The following MACROD2 variants were observed in gnomAD, a reference collection of about 807,000 sequenced individuals.
MACROD2 encodes the protein ADP-ribose glycohydrolase MACROD2.
MACROD2 carries 36 observed loss-of-function variants against 70.4 expected under a neutral mutation model. That is an observed-to-expected ratio of 0.51 (90% confidence interval 0.39 to 0.68). MACROD2 has a LOEUF of 0.68. MACROD2 is among the 30% of genes least tolerant of loss of function. MACROD2 has a pLI of 0.00. For missense variants in MACROD2, 496 were observed against 538.4 expected, an observed-to-expected ratio of 0.92 and a Z score of 0.78; for synonymous variants, 172 against 178.8, an observed-to-expected ratio of 0.96 and a Z score of 0.30.
In MACROD2 at chr20:15,986,708, C is replaced by T; in HGVS notation, c.986-19C>T. 1.3e-6 allele frequency: 2 copies of T among 1,591,836 alleles called. No homozygotes were observed. The highest frequency in any genetic ancestry group is 8.6e-7 in the Non-Finnish European group (1 of 1,162,602). On this transcript the variant is annotated intron_variant, in intron 13 of 17. Transcript: ENST00000684519. ...TGCATATCACATTTCTTTTATTTTT[C>T]AATCACTGTTTTGAACAGGACAAGA... is the stretch of plus-strand genomic sequence containing the variant.
At chr20:15,521,350 C>G (rs1176851526) in intron 8 of MACROD2, among the ~76,000 whole-genome samples, 1 of 152,174 alleles carries the variant, frequency 6.6e-6, no homozygotes, top group Non-Finnish European at 1.5e-5. Flanking sequence ...AATTGGCATA[C>G]TATTGTATTC....
chr20:14,508,298 C>CCTCTT (rs973638207), intron 4 of MACROD2, among the ~76,000 whole-genome samples: 2 of 152,004 alleles, frequency 1.3e-5, no homozygotes, highest in Admixed American at 6.5e-5. Context: ...TTTCTCTTTT[C>CCTCTT]CTCTTCTCTT....
chr20:14,370,030 A>G (rs921916245), intron 3 of MACROD2, among the ~76,000 whole-genome samples: 1 of 152,198 alleles, frequency 6.6e-6, no homozygotes, highest in East Asian at 1.9e-4. Context: ...TTCGTTGAAT[A>G]TTCTTTATAA....
chr20:15,911,312 T>A (rs1389650511), intron 10 of MACROD2, among the ~76,000 whole-genome samples: 2 of 152,236 alleles, frequency 1.3e-5, no homozygotes, highest in Non-Finnish European at 2.9e-5. Flanking sequence ...CGGTATGCCT[T>A]CTATTCTAGT....
chr20:13,995,586 G>C lies in MACROD2; in HGVS notation c.-178G>C. On this transcript the variant is annotated 5_prime_UTR_variant, in exon 1 of 18. Coordinates refer to ENST00000684519, the MANE Select transcript of MACROD2 (RefSeq NM_001351661.2). The surrounding 1 kb of genome is among the most constrained non-coding windows in gnomAD (Gnocchi z 4.3). The stretch of plus-strand genomic sequence containing the variant: ...CGGGTGGGAGCCGGAGCCGAGCGCG[G>C]GCTGAGGGAGGAGGGCGGCGACTGG... 2 of 689,084 alleles carry C rather than the reference G, an allele frequency of 2.9e-6. No homozygotes were observed. The highest frequency in any genetic ancestry group is 3.3e-5 in the South Asian group (2 of 59,914). The allele number at this position is 689,084 out of a possible 1,614,324, so 42.7% of individuals were successfully genotyped here.
intron 5 of MACROD2, chr20:14,935,017 A>G (rs1020586093): frequency 2.6e-5 from 4 of 151,922 alleles, no homozygotes; most frequent in Middle Eastern, 3.2e-3. Flanking sequence ...GACACCATTG[A>G]TGAAATCCAT....
At chr20:14,502,482 A>G (rs1414579905) in intron 4 of MACROD2, among the ~76,000 whole-genome samples, 1 of 152,150 alleles carries the variant, frequency 6.6e-6, no homozygotes, top group Admixed American at 6.5e-5. Flanking sequence ...GAGTTAGGAC[A>G]AATTTATTGT....
intron 5 of MACROD2, among the ~76,000 whole-genome samples, chr20:15,079,714 C>CT (rs2075688147): frequency 6.6e-6 from 1 of 152,088 alleles, no homozygotes; most frequent in Admixed American, 6.6e-5. Context: ...TTAAGTCCTC[C>CT]TTTCTGCCTG....
chr20:14,684,654 C>CT (rs1568737534), intron 4 of MACROD2, among the ~76,000 whole-genome samples, 189 bp from the exon 5 acceptor site: 2 of 147,154 alleles, frequency 1.4e-5, no homozygotes, highest in Admixed American at 6.8e-5. Flanking sequence ...CCTCACCCCC[C>CT]CCCCCCGGCC....
At chr20:14,933,499 G>T (rs1213679248) in intron 5 of MACROD2, among the ~76,000 whole-genome samples, 1 of 152,064 alleles carries the variant, frequency 6.6e-6, no homozygotes, top group African/African-American at 2.4e-5. Context: ...GGGCAACATA[G>T]AGAGAACTCA....
intron 3 of MACROD2, among the ~76,000 whole-genome samples, chr20:14,363,190 C>T (rs1302297509): frequency 6.6e-6 from 1 of 152,088 alleles, no homozygotes; most frequent in African/African-American, 2.4e-5. Context: ...GTTTCTGAGC[C>T]TCCTTTTATT....
At chr20:15,904,121 A>G (rs1234148496) in intron 10 of MACROD2, among the ~76,000 whole-genome samples, 2 of 151,866 alleles carry the variant, frequency 1.3e-5, no homozygotes, top group Admixed American at 1.3e-4. Context: ...TGCTCTCCTC[A>G]CCCCGGGAAG....
intron 4 of MACROD2, among the ~76,000 whole-genome samples, chr20:14,660,621 C>T (rs1056525621): frequency 7.2e-5 from 11 of 152,022 alleles, no homozygotes; most frequent in African/African-American, 2.4e-4. Flanking sequence ...GAGGTTTGGG[C>T]TTCTAATGAT....
At chr20:16,002,498 A>G (rs2066723780) in intron 15 of MACROD2, among the ~76,000 whole-genome samples, 1 of 152,196 alleles carries the variant, frequency 6.6e-6, no homozygotes, top group East Asian at 1.9e-4. Context: ...GTGAGAGGGA[A>G]GGAGATGCGT....
chr20:14,611,815 T>C (rs1983192005), intron 4 of MACROD2, among the ~76,000 whole-genome samples: 2 of 152,144 alleles, frequency 1.3e-5, no homozygotes, highest in African/African-American at 4.8e-5. Flanking sequence ...TATTAAGCTT[T>C]TTAAAAACAC....
intron 3 of MACROD2, among the ~76,000 whole-genome samples, chr20:14,111,651 T>G: frequency 6.6e-6 from 1 of 151,838 alleles, no homozygotes; most frequent in Non-Finnish European, 1.5e-5. Context: ...CATCAAAACT[T>G]CAATAAGATA....
chr20:14,773,991 G>A (rs1413409594), intron 5 of MACROD2, among the ~76,000 whole-genome samples: 1 of 151,922 alleles, frequency 6.6e-6, no homozygotes, highest in Non-Finnish European at 1.5e-5. Context: ...AAATCTCATT[G>A]GGTCTAATAT....
intron 8 of MACROD2, among the ~76,000 whole-genome samples, chr20:15,738,396 T>C (rs2051056641): frequency 6.6e-6 from 1 of 152,096 alleles, no homozygotes; most frequent in African/African-American, 2.4e-5. Flanking sequence ...ATTGAGGCAG[T>C]GTCACAGAAG....
At chr20:14,478,954 G>A (rs1478314558) in intron 3 of MACROD2, among the ~76,000 whole-genome samples, 1 of 152,040 alleles carries the variant, frequency 6.6e-6, no homozygotes, top group East Asian at 1.9e-4. Context: ...ATGTTTCTAG[G>A]TGGGGAAAAG....
Sources: gnomAD v4.1 joint callset for allele counts (sites outside exome capture counted in the v4.1 genomes callset) on GRCh38, gnomAD v4.1.1 for gene constraint, Gnocchi (gnomAD v3.1) non-coding constraint, MANE v1.5 for transcripts, NCBI Gene and HGNC (gene_info 2026-07-23, HGNC 2026-07-21) for gene names.